The following XKR6 variants were observed in gnomAD, a reference collection of about 807,000 sequenced individuals.
XKR6 encodes XK related 6.
In XKR6, 22 loss-of-function variants were observed where a neutral mutation model predicts 56.7. The ratio of observed to expected loss-of-function variants is 0.39; its 90% CI spans 0.28 to 0.55. The LOEUF is 0.55. XKR6 is among the 20% of genes least tolerant of loss of function. XKR6 has a pLI of 0.66. For synonymous variants in XKR6, 524 were observed against 387.8 expected, an observed-to-expected ratio of 1.35 and a Z score of -4.13; for missense variants, 852 against 889.0, an observed-to-expected ratio of 0.96 and a Z score of 0.53.
chr8:10,979,239 T>G (rs1010910941), intron 1 of XKR6, among the ~76,000 whole-genome samples: 1 of 151,990 alleles, frequency 6.6e-6, no homozygotes, highest in East Asian at 1.9e-4. Flanking sequence ...CCCACTAGCC[T>G]ACTCCCCCAA....
chr8:10,907,726 A>G (rs1186990659), intron 2 of XKR6, among the ~76,000 whole-genome samples: 3 of 152,182 alleles, frequency 2.0e-5, no homozygotes, highest in African/African-American at 7.2e-5. Context: ...CTTATACATC[A>G]GTTTCTTATT....
chr8:11,073,123 C>T (rs1282854572), intron 1 of XKR6, among the ~76,000 whole-genome samples: 2 of 152,186 alleles, frequency 1.3e-5, no homozygotes, highest in Admixed American at 1.3e-4. Context: ...AGGGTCCTGT[C>T]TATCTTTTCC....
chr8:11,139,765 T>A (rs1800591156), intron 1 of XKR6, among the ~76,000 whole-genome samples: 1 of 152,148 alleles, frequency 6.6e-6, no homozygotes, highest in Non-Finnish European at 1.5e-5. Flanking sequence ...CTCCCAAGTC[T>A]CCTTCCATGA....
At chr8:11,011,919 C>A (rs975266101) in intron 1 of XKR6, among the ~76,000 whole-genome samples, 3 of 152,162 alleles carry the variant, frequency 2.0e-5, no homozygotes, top group African/African-American at 7.2e-5. Flanking sequence ...CAGGTGTGCA[C>A]CTGCTGGAAG....
At chr8:11,123,063 C>G (rs1407938342) in intron 1 of XKR6, among the ~76,000 whole-genome samples, 1 of 151,948 alleles carries the variant, frequency 6.6e-6, no homozygotes, top group Non-Finnish European at 1.5e-5. Flanking sequence ...ATGGTGAAAC[C>G]TCGTCTCTAC....
chr8:11,032,724 G>A (rs928688447), intron 1 of XKR6, among the ~76,000 whole-genome samples: 1 of 152,150 alleles, frequency 6.6e-6, no homozygotes, highest in African/African-American at 2.4e-5. Context: ...CTGCAGCTAG[G>A]GGTCTGCTCC....
At chr8:11,103,112 T>G (rs1438325400) in intron 1 of XKR6, among the ~76,000 whole-genome samples, 1 of 152,210 alleles carries the variant, frequency 6.6e-6, no homozygotes, top group Non-Finnish European at 1.5e-5. Context: ...ATGGCAGTTT[T>G]TTTAATTTTA....
intron 1 of XKR6, among the ~76,000 whole-genome samples, chr8:11,136,188 C>T (rs1440976110): frequency 6.6e-6 from 1 of 152,204 alleles, no homozygotes; most frequent in East Asian, 1.9e-4. Context: ...ATGCTGGTTT[C>T]CTCCATTACT....
intron 2 of XKR6, among the ~76,000 whole-genome samples, chr8:10,916,046 G>A (rs1308974324): frequency 6.6e-6 from 1 of 152,238 alleles, no homozygotes; most frequent in East Asian, 1.9e-4. Context: ...AGCCCAGAGT[G>A]TTCCTTGGAG....
At chr8:11,049,915 C>A (rs942971182) in intron 1 of XKR6, among the ~76,000 whole-genome samples, 36 of 152,154 alleles carry the variant, frequency 2.4e-4, no homozygotes, top group African/African-American at 8.7e-4. Context: ...AAGGACATTT[C>A]CCCCTTCTGT....
intron 1 of XKR6, among the ~76,000 whole-genome samples, chr8:11,125,098 A>G (rs1443709356): frequency 6.7e-5 from 10 of 149,500 alleles, no homozygotes; most frequent in African/African-American, 9.8e-5. Flanking sequence ...CAAAAAAAAA[A>G]AAAAAGAAAA....
At position 10,898,169 on chromosome 8, in the gene XKR6, G is replaced by T. The variant is rs1482428870; in HGVS notation, c.1709C>A (p.Pro570His). Residue 570 changes from proline (P) to histidine (H), a missense_variant, in exon 3 of 3, where the codon CCC (proline) becomes CAC (histidine). Pro to His is a moderately conservative substitution (Grantham distance 77). Around this residue, in one of 4 missense-constraint regions of XKR6, gnomAD observed 197 missense variants for 190.9 expected, o/e 1.03. Transcript: ENST00000416569. This position sits in a 1 kb window ranked among gnomAD's most constrained non-coding sequence, Gnocchi z 6.6. ...LPVFQVRPMG[P>H]PTPLGRPYLP... ...GTAAGGACGCCCCAACGGGGTAGGG[G>T]GCCCCATGGGTCTCACTTGGAAAAC... 1 of 1,614,058 alleles carries T rather than the reference G, an allele frequency of 6.2e-7. No individual in the cohort carries two copies. Among genetic ancestry groups the T allele is most frequent in the East Asian group, 2.2e-5 (1 of 44,872 alleles).
At chr8:11,124,186 G>C (rs1799634596) in intron 1 of XKR6, 1 of 356,420 alleles carries the variant, frequency 2.8e-6, no homozygotes, top group East Asian at 7.4e-5. Flanking sequence ...TCATTTGAGG[G>C]AGAAAAAAGC....
At chr8:10,993,221 G>A (rs1210165375) in intron 1 of XKR6, among the ~76,000 whole-genome samples, 1 of 152,216 alleles carries the variant, frequency 6.6e-6, no homozygotes, top group Non-Finnish European at 1.5e-5. Context: ...AGGCGAGGCT[G>A]GGATGCTTTT....
At chr8:10,951,311 C>G (rs796561908) in intron 1 of XKR6, among the ~76,000 whole-genome samples, 2,569 of 94,140 alleles carry the variant, frequency 0.027, 43 homozygotes, top group South Asian at 0.05. Flanking sequence ...GGGGGGGGGG[C>G]CCCCACAGTG....
chr8:10,903,511 C>A (rs1374604566), intron 2 of XKR6, among the ~76,000 whole-genome samples: 1 of 152,094 alleles, frequency 6.6e-6, no homozygotes, highest in Non-Finnish European at 1.5e-5. Context: ...TTGTGTCCCC[C>A]CCACAAAATC....
chr8:10,906,006 G>A (rs1800178965), intron 2 of XKR6, among the ~76,000 whole-genome samples: 1 of 152,154 alleles, frequency 6.6e-6, no homozygotes, highest in East Asian at 1.9e-4. Flanking sequence ...GCATCCTGAT[G>A]ACTTCTATGA....
Position 10,924,630 on chromosome 8 carries a change from T to G in XKR6, c.961+4A>C. ...GTGGCGGGGCGCGGCCGGCGGGCAC[T>G]CACAGGGCAGGGTCTCGGCGCTGTT... On this transcript the variant is annotated splice_donor_region_variant and intron_variant, in intron 2 of 2. Coordinates refer to ENST00000416569, the MANE Select transcript of XKR6 (RefSeq NM_173683.4). 1 of 1,597,152 alleles carries G rather than the reference T, an allele frequency of 6.3e-7. No homozygotes were observed. Among genetic ancestry groups the G allele is most frequent in the Non-Finnish European group, 8.6e-7 (1 of 1,168,370 alleles).
intron 1 of XKR6, among the ~76,000 whole-genome samples, chr8:11,051,683 C>A (rs2409685): frequency 0.61 from 92,941 of 151,882 alleles, 30,678 homozygotes; most frequent in African/African-American, 0.84. Flanking sequence ...TAACTGACTC[C>A]ATTCACGAGC....
Sources: allele counts gnomAD v4.1 joint callset (sites outside exome capture counted in the v4.1 genomes callset), GRCh38; gene constraint gnomAD v4.1.1; regional missense constraint gnomAD v4.1.1; non-coding constraint Gnocchi (gnomAD v3.1); transcripts MANE v1.5; gene names NCBI Gene and HGNC (gene_info 2026-07-23, HGNC 2026-07-21).